Variants in PNP observed in about 807,000 individuals in gnomAD.
The protein encoded by PNP is purine nucleoside phosphorylase.
In PNP, 18 loss-of-function variants were observed where a neutral mutation model predicts 26.8. The ratio of observed to expected loss-of-function variants is 0.67; its 90% CI spans 0.46 to 1.00. The LOEUF is 1.00. PNP is among the 50% of genes least tolerant of loss of function. PNP has a pLI of 0.00. For synonymous variants in PNP, 116 were observed against 124.8 expected (o/e 0.93, Z 0.47); for missense variants, 320 against 362.9 (o/e 0.88, Z 0.96).
chr14:20,476,598 T>A lies in PNP; in HGVS notation c.867T>A (p.Ser289Arg). The change falls in exon 6 of 6, where the codon AGT (serine) becomes AGA (arginine). Residue 289 changes from serine to arginine, a missense_variant. Coordinates refer to ENST00000361505, the MANE Select transcript of PNP (RefSeq NM_000270.4). ...MASIPLPDKA[S>R] ...GCATTCCACTCCCTGACAAAGCCAG[T>A]TGACCTGCCTTGGAGTCGTCTGGCA... 2 of 1,613,964 alleles carry A rather than the reference T, an allele frequency of 1.2e-6. No homozygotes were observed. The highest frequency in any genetic ancestry group is 1.7e-6 in the Non-Finnish European group (2 of 1,179,814).
chr14:20,476,241 G>A, intron 5 of PNP, 143 bp from the exon 6 acceptor site: 1 of 738,556 alleles, frequency 1.4e-6, no homozygotes, highest in Non-Finnish European at 2.4e-6. Flanking sequence ...CAATGTACTG[G>A]GATTACAGGT....
chr14:20,474,964 C>CT lies in PNP; in HGVS notation c.461+16_461+17insT. 6.2e-7 allele frequency: 1 copy of CT among 1,613,876 alleles called. No homozygotes were observed. The highest frequency in any genetic ancestry group is 1.1e-5 in the South Asian group (1 of 91,076). On this transcript the variant is annotated intron_variant, in intron 4 of 5. Coordinates refer to ENST00000361505, the MANE Select transcript of PNP (RefSeq NM_000270.4). ...ATGATGAAAGGTATGTATGTTACTC[C>CT]GTTTTTTTTAGGTGGGTAGGATTTA... is the stretch of plus-strand genomic sequence containing the variant.
intron 1 of PNP, among the ~76,000 whole-genome samples, chr14:20,470,025 T>A (rs1881953301): frequency 6.6e-6 from 1 of 152,136 alleles, no homozygotes; most frequent in Middle Eastern, 3.2e-3. Context: ...CCAGTTGCAC[T>A]CCTCCCTTCC....
chr14:20,472,119 T>C (rs1031407446), intron 1 of PNP, among the ~76,000 whole-genome samples, 189 bp from the exon 2 acceptor site: 1 of 152,134 alleles, frequency 6.6e-6, no homozygotes, highest in Non-Finnish European at 1.5e-5. Context: ...ATCAGACTTG[T>C]AGTGGGCTTG....
In PNP at chr14:20,476,758, T is replaced by TCTGGTGCCAGATCCTC; in HGVS notation, c.*158_*173dup. 1 of 699,030 alleles carries TCTGGTGCCAGATCCTC rather than the reference T, an allele frequency of 1.4e-6. No individual in the cohort carries two copies. Among genetic ancestry groups the TCTGGTGCCAGATCCTC allele is most frequent in the Non-Finnish European group, 2.6e-6 (1 of 386,960 alleles). The allele number at this position is 699,030 out of a possible 1,614,324, so 43.3% of individuals were successfully genotyped here. ...TTCCCACTTTCTTCTACCAGACCCTTCTGGTGCCAGATCCTCTTCTCAAAG... is the reference window on the plus strand; with the variant it reads ...TTCCCACTTTCTTCTACCAGACCCTTCTGGTGCCAGATCCTCCTGGTGCCAGATCCTCTTCTCAAAG... On this transcript the variant is annotated 3_prime_UTR_variant, in exon 6 of 6. Transcript: ENST00000361505.
At chr14:20,476,317 G>T (rs1882110126) in intron 5 of PNP, 67 bp from the exon 6 acceptor site, 1 of 1,271,132 alleles carries the variant, frequency 7.9e-7, no homozygotes, top group African/African-American at 1.5e-5. Context: ...TGAAAGCGAG[G>T]CTAAAGGGCA....
chr14:20,469,442 C>G lies in PNP; in HGVS notation c.-83C>G, dbSNP rs113248050. 3,248 of 1,527,626 alleles carry G rather than the reference C, an allele frequency of 2.1e-3. 68 individuals carry two copies. In the African/African-American group the frequency reaches 0.038, roughly 18 times the overall value. The allele number at this position is 1,527,626 out of a possible 1,614,324, so 94.6% of individuals were successfully genotyped here. On this transcript the variant is annotated 5_prime_UTR_variant, in exon 1 of 6. Coordinates refer to ENST00000361505, the MANE Select transcript of PNP (RefSeq NM_000270.4). ...CCAGACCCGGCAGCCTTGCTCAGTT[C>G]AGCATAGCGGAGCGGATCCGATCGG...
Sources: allele counts gnomAD v4.1 joint callset (sites outside exome capture counted in the v4.1 genomes callset), GRCh38; gene constraint gnomAD v4.1.1; transcripts MANE v1.5; gene names NCBI Gene and HGNC (gene_info 2026-07-23, HGNC 2026-07-21).